The following BBS9 variants were observed in gnomAD, a reference collection of about 807,000 sequenced individuals.
BBS9 encodes the protein Bardet-Biedl syndrome 9, also known as protein PTHB1.
A neutral mutation model predicts 117.7 loss-of-function variants in BBS9; 89 were observed. The observed-to-expected ratio is 0.76, with a 90% CI of 0.64 to 0.90. The LOEUF (loss-of-function observed/expected upper bound fraction) is 0.90. Among genes scored for constraint, BBS9 ranks in the 40% least tolerant of loss-of-function variants. The pLI, the probability that BBS9 is intolerant of heterozygous loss-of-function variation, is 0.00. For missense variants in BBS9, 982 were observed against 1,042.2 expected (o/e 0.94, Z 0.80); for synonymous variants, 379 against 370.9 (o/e 1.02, Z -0.25).
At chr7:33,159,702 G>A (rs1001796916) in intron 4 of BBS9, among the ~76,000 whole-genome samples, 8 of 152,180 alleles carry the variant, frequency 5.3e-5, no homozygotes, top group African/African-American at 1.9e-4. Context: ...AGGTTACAGT[G>A]CCCTCATGGT....
At chr7:33,430,718 A>G (rs1834312036) in intron 19 of BBS9, among the ~76,000 whole-genome samples, 1 of 152,256 alleles carries the variant, frequency 6.6e-6, no homozygotes, top group African/African-American at 2.4e-5. Context: ...CTTACCCACC[A>G]GTGGCCAATG....
intron 9 of BBS9, among the ~76,000 whole-genome samples, chr7:33,315,018 G>A (rs749396217): frequency 6.6e-6 from 1 of 152,144 alleles, no homozygotes; most frequent in Non-Finnish European, 1.5e-5. Context: ...ATTTATTTAG[G>A]TCATGATTCT....
chr7:33,516,487 C>A (rs1448574082), intron 20 of BBS9, among the ~76,000 whole-genome samples: 17 of 51,522 alleles, frequency 3.3e-4, no homozygotes, highest in East Asian at 3.0e-3. Flanking sequence ...ATTTCATCTC[C>A]AAAAAAAAAA....
At chr7:33,338,084 G>A (rs150495832) in intron 10 of BBS9, among the ~76,000 whole-genome samples, 14 of 151,922 alleles carry the variant, frequency 9.2e-5, no homozygotes, top group East Asian at 1.9e-4. Flanking sequence ...TAAAATAACC[G>A]CTAATTAAGA....
At chr7:33,471,361 T>G (rs1841011306) in intron 19 of BBS9, among the ~76,000 whole-genome samples, 2 of 152,226 alleles carry the variant, frequency 1.3e-5, no homozygotes, top group Admixed American at 1.3e-4. Flanking sequence ...TATCATTCAT[T>G]AGTATTTCTT....
chr7:33,450,958 G>A (rs549654627), intron 19 of BBS9, among the ~76,000 whole-genome samples: 6 of 151,142 alleles, frequency 4.0e-5, no homozygotes, highest in East Asian at 1.9e-4. Context: ...GCGCGATCTC[G>A]GCTCACTGCA....
At chr7:33,224,997 A>G (rs1049201768) in intron 5 of BBS9, among the ~76,000 whole-genome samples, 2 of 152,190 alleles carry the variant, frequency 1.3e-5, no homozygotes, top group African/African-American at 4.8e-5. Flanking sequence ...TCCCTTTATC[A>G]GCTAGTAGGT....
At chr7:33,450,969 A>G (rs1009336236) in intron 19 of BBS9, among the ~76,000 whole-genome samples, 3 of 151,532 alleles carry the variant, frequency 2.0e-5, no homozygotes, top group Non-Finnish European at 4.4e-5. Context: ...GCTCACTGCA[A>G]GCTCCGCCTC....
chr7:33,460,711 G>A (rs1839341428), intron 19 of BBS9, among the ~76,000 whole-genome samples: 1 of 151,728 alleles, frequency 6.6e-6, no homozygotes, highest in Admixed American at 6.6e-5. Flanking sequence ...TGGTGATGTA[G>A]CATTTAAAAA....
chr7:33,318,272 G>C (rs1810957006), intron 9 of BBS9, among the ~76,000 whole-genome samples: 1 of 152,042 alleles, frequency 6.6e-6, no homozygotes, highest in African/African-American at 2.4e-5. Context: ...GCCACTCTTG[G>C]CTTCTTTATT....
At chr7:33,221,774 G>C (rs1790280746) in intron 5 of BBS9, among the ~76,000 whole-genome samples, 1 of 152,182 alleles carries the variant, frequency 6.6e-6, no homozygotes, top group East Asian at 1.9e-4. Context: ...CTTCATTGAG[G>C]TATGTGGCAA....
At chr7:33,416,762 G>A (rs1005299263) in intron 19 of BBS9, among the ~76,000 whole-genome samples, 2 of 152,130 alleles carry the variant, frequency 1.3e-5, no homozygotes, top group African/African-American at 2.4e-5. Context: ...CATCTCACAG[G>A]TGTAAGTGGC....
At chr7:33,220,579 C>T (rs537041395) in intron 5 of BBS9, among the ~76,000 whole-genome samples, 175 of 152,290 alleles carry the variant, frequency 1.1e-3, no homozygotes, top group Middle Eastern at 0.01. Context: ...GTTTTGAGCA[C>T]GCTTATGTTT....
intron 5 of BBS9, among the ~76,000 whole-genome samples, chr7:33,190,547 C>G (rs1367387998): frequency 6.6e-6 from 1 of 152,190 alleles, no homozygotes; most frequent in African/African-American, 2.4e-5. Flanking sequence ...GCTAACGTCA[C>G]TTGAGCCTTC....
At chr7:33,150,367 T>A (rs1363891389) in intron 2 of BBS9, among the ~76,000 whole-genome samples, 1 of 152,224 alleles carries the variant, frequency 6.6e-6, no homozygotes, top group African/African-American at 2.4e-5. Flanking sequence ...GTGTTCCTCC[T>A]TGTTCAGCTG....
intron 9 of BBS9, among the ~76,000 whole-genome samples, chr7:33,317,438 T>C (rs573036238): frequency 3.0e-5 from 4 of 133,254 alleles, no homozygotes; most frequent in Admixed American, 8.1e-5. Flanking sequence ...TGTAGATCAC[T>C]GGTGAGAATC....
intron 21 of BBS9, among the ~76,000 whole-genome samples, chr7:33,615,348 A>G (rs1865077229): frequency 6.6e-6 from 1 of 152,106 alleles, no homozygotes; most frequent in Admixed American, 6.6e-5. Context: ...TCTGCACTGG[A>G]TCAAATAAAC....
At chr7:33,295,645 C>G (rs1805105167) in intron 9 of BBS9, among the ~76,000 whole-genome samples, 1 of 151,844 alleles carries the variant, frequency 6.6e-6, no homozygotes, top group South Asian at 2.1e-4. Flanking sequence ...TTAGAAAACA[C>G]TGACATTGAA....
At chr7:33,253,765 A>G (rs1796592760) in intron 5 of BBS9, among the ~76,000 whole-genome samples, 1 of 152,176 alleles carries the variant, frequency 6.6e-6, no homozygotes, top group Non-Finnish European at 1.5e-5. Flanking sequence ...TGCTACAAAG[A>G]GGGGAGGGAA....
Sources: gnomAD v4.1 joint callset for allele counts (sites outside exome capture counted in the v4.1 genomes callset) on GRCh38, gnomAD v4.1.1 for gene constraint, MANE v1.5 for transcripts, NCBI Gene and HGNC (gene_info 2026-07-23, HGNC 2026-07-21) for gene names.